Variants in HCN1 observed in about 807,000 individuals in gnomAD.
HCN1 encodes potassium/sodium hyperpolarization-activated cyclic nucleotide-gated channel 1.
A neutral mutation model predicts 78.9 loss-of-function variants in HCN1; 13 were observed. The ratio of observed to expected loss-of-function variants is 0.16; its 90% CI spans 0.11 to 0.26. The LOEUF (loss-of-function observed/expected upper bound fraction) is 0.26. Among genes scored for constraint, HCN1 ranks in the 10% least tolerant of loss-of-function variants. The pLI is 1.00. For synonymous variants in HCN1, 552 were observed against 455.5 expected (o/e 1.21, Z -2.70); for missense variants, 810 against 1,154.3 (o/e 0.70, Z 4.32).
intron 2 of HCN1, among the ~76,000 whole-genome samples, chr5:45,465,863 T>G (rs1177142917): frequency 6.6e-6 from 1 of 152,206 alleles, no homozygotes; most frequent in East Asian, 1.9e-4. Flanking sequence ...GCTCAGGACA[T>G]TGTGCTGTTC....
chr5:45,629,560 T>C (rs1292913281), intron 2 of HCN1, among the ~76,000 whole-genome samples: 1 of 152,108 alleles, frequency 6.6e-6, no homozygotes, highest in Non-Finnish European at 1.5e-5. Flanking sequence ...AATTTGTAAG[T>C]ACTTTCTAAG....
At chr5:45,601,623 G>T (rs1744627683) in intron 2 of HCN1, among the ~76,000 whole-genome samples, 1 of 152,084 alleles carries the variant, frequency 6.6e-6, no homozygotes, top group East Asian at 1.9e-4. Flanking sequence ...TATTTGTTTT[G>T]GCTGCCCAGA....
chr5:45,571,024 A>C (rs1304423068), intron 2 of HCN1, among the ~76,000 whole-genome samples: 2 of 152,162 alleles, frequency 1.3e-5, no homozygotes, highest in African/African-American at 4.8e-5. Flanking sequence ...TGTTGAAAAA[A>C]TTGTACAAGG....
intron 2 of HCN1, among the ~76,000 whole-genome samples, chr5:45,585,591 G>T (rs1266447800): frequency 1.1e-4 from 16 of 152,178 alleles, no homozygotes; most frequent in Non-Finnish European, 2.9e-5. Flanking sequence ...TTTGGAGGAG[G>T]AGAGGCACTC....
intron 6 of HCN1, among the ~76,000 whole-genome samples, chr5:45,290,402 G>A (rs1476919340): frequency 6.6e-6 from 1 of 151,952 alleles, no homozygotes; most frequent in Non-Finnish European, 1.5e-5. Context: ...TGAGACTACA[G>A]TTTCAACATA....
At chr5:45,552,150 C>T (rs1406179127) in intron 2 of HCN1, among the ~76,000 whole-genome samples, 1 of 151,918 alleles carries the variant, frequency 6.6e-6, no homozygotes, top group Non-Finnish European at 1.5e-5. Context: ...AAGGGAAAAG[C>T]TGGTCTATAA....
intron 6 of HCN1, among the ~76,000 whole-genome samples, chr5:45,274,576 T>A (rs1353885424): frequency 6.6e-6 from 1 of 152,188 alleles, no homozygotes; most frequent in African/African-American, 2.4e-5. Context: ...ATTTCCTTCC[T>A]TTTTCCCCAT....
intron 7 of HCN1, among the ~76,000 whole-genome samples, chr5:45,263,127 GA>G (rs1744783311): frequency 6.6e-6 from 1 of 152,314 alleles, no homozygotes; most frequent in African/African-American, 2.4e-5. Context: ...TTTGGAATAG[GA>G]TGGGCTTGGA....
rs1413600197 is a variant in HCN1, at chr5:45,257,671, A to C, written c.*4250T>G. ...GTGCAGGGTTGTTAAAAAGGAAAAAAATTGAAATTGCTTAAGAAAGTCATT... is the reference window on the plus strand; with the variant it reads ...GTGCAGGGTTGTTAAAAAGGAAAAACATTGAAATTGCTTAAGAAAGTCATT... On this transcript the variant is annotated 3_prime_UTR_variant, in exon 8 of 8. Coordinates refer to ENST00000303230, the MANE Select transcript of HCN1 (RefSeq NM_021072.4). 1 of 152,178 alleles carries C rather than the reference A, an allele frequency of 6.6e-6. No homozygotes were observed. Among genetic ancestry groups the C allele is most frequent in the African/African-American group, 2.4e-5 (1 of 41,428 alleles). The allele number at this position is 152,178 out of a possible 1,614,324, so 9.4% of individuals were successfully genotyped here.
intron 2 of HCN1, among the ~76,000 whole-genome samples, chr5:45,584,829 C>G (rs190998336): frequency 1.5e-4 from 23 of 152,286 alleles, no homozygotes; most frequent in African/African-American, 5.1e-4. Context: ...GTTGAAAATT[C>G]TTTTCTTTAA....
rs1218687609 is a variant in HCN1 at position 45,549,369 on chromosome 5, C to A, written c.850-87362G>T. Among the ~76,000 whole-genome samples, 3 of 152,048 alleles carry A rather than the reference C, an allele frequency of 2.0e-5. 1 individual carries two copies. The highest frequency in any genetic ancestry group is 2.0e-4 in the Admixed American group (3 of 15,260). On this transcript the variant is annotated intron_variant, in intron 2 of 7. Coordinates refer to ENST00000303230, the MANE Select transcript of HCN1 (RefSeq NM_021072.4). ...ACATCTACAAACATCTGATCTTTGACAAACCTGACAAAAACAAGAAATGGG... is the reference window on the plus strand; with the variant it reads ...ACATCTACAAACATCTGATCTTTGAAAAACCTGACAAAAACAAGAAATGGG...
intron 2 of HCN1, among the ~76,000 whole-genome samples, chr5:45,494,406 A>G (rs1460840310): frequency 6.6e-6 from 1 of 151,936 alleles, no homozygotes; most frequent in Non-Finnish European, 1.5e-5. Context: ...TTCTTTTGAG[A>G]AGTGTCTGTT....
At chr5:45,561,098 T>C (rs941555884) in intron 2 of HCN1, among the ~76,000 whole-genome samples, 2 of 152,134 alleles carry the variant, frequency 1.3e-5, no homozygotes, top group African/African-American at 4.8e-5. Flanking sequence ...CATGCCTTCT[T>C]AATTTCATCC....
intron 2 of HCN1, among the ~76,000 whole-genome samples, chr5:45,551,382 T>G (rs569277924): frequency 7.0e-6 from 1 of 142,900 alleles, no homozygotes; most frequent in Non-Finnish European, 1.5e-5. Flanking sequence ...TCTCCCAACC[T>G]TTTTTTTTTT....
intron 2 of HCN1, among the ~76,000 whole-genome samples, chr5:45,621,433 A>T (rs930872776): frequency 6.6e-6 from 1 of 151,902 alleles, no homozygotes; most frequent in East Asian, 1.9e-4. Context: ...CTGATTCCTC[A>T]TGTTTGCCTT....
At chr5:45,325,071 A>T (rs573601795) in intron 5 of HCN1, among the ~76,000 whole-genome samples, 6 of 151,686 alleles carry the variant, frequency 4.0e-5, no homozygotes, top group Non-Finnish European at 7.4e-5. Context: ...CAGGAACAGA[A>T]TGTACTCAGG....
intron 3 of HCN1, among the ~76,000 whole-genome samples, chr5:45,430,019 T>G (rs1457685048): frequency 6.6e-6 from 1 of 151,986 alleles, no homozygotes; most frequent in Admixed American, 6.6e-5. Context: ...AGAATTGAGC[T>G]ATTATAAGTA....
At chr5:45,314,394 G>C (rs1745931053) in intron 5 of HCN1, among the ~76,000 whole-genome samples, 1 of 152,164 alleles carries the variant, frequency 6.6e-6, no homozygotes, top group South Asian at 2.1e-4. Context: ...ACCGGTACCA[G>C]CCATTGCAAA....
intron 5 of HCN1, among the ~76,000 whole-genome samples, chr5:45,349,666 A>G (rs938164289): frequency 1.3e-5 from 2 of 152,156 alleles, no homozygotes; most frequent in African/African-American, 4.8e-5. Flanking sequence ...AATGAAATAG[A>G]TGCAACAAAA....
Sources: gnomAD v4.1 joint callset for allele counts (sites outside exome capture counted in the v4.1 genomes callset) on GRCh38, gnomAD v4.1.1 for gene constraint, MANE v1.5 for transcripts, NCBI Gene and HGNC (gene_info 2026-07-23, HGNC 2026-07-21) for gene names.